HOOK3: variants seen among roughly 807,000 people sequenced by gnomAD.
HOOK3 encodes the protein hook microtubule tethering protein 3.
HOOK3 carries 24 observed loss-of-function variants against 116.3 expected under a neutral mutation model. That is an observed-to-expected ratio of 0.21 (90% CI 0.15 to 0.29). HOOK3 has a LOEUF of 0.29. Among genes scored for constraint, HOOK3 ranks in the 10% least tolerant of loss-of-function variants. HOOK3 has a pLI of 1.00. For missense variants in HOOK3, 632 were observed against 830.2 expected, an observed-to-expected ratio of 0.76 and a Z score of 2.93; for synonymous variants, 275 against 283.0, an observed-to-expected ratio of 0.97 and a Z score of 0.28.
intron 2 of HOOK3, among the ~76,000 whole-genome samples, chr8:42,914,845 C>T (rs919198367): frequency 1.3e-5 from 2 of 152,112 alleles, no homozygotes; most frequent in African/African-American, 2.4e-5. Context: ...CACCGGGCGC[C>T]GTGGCTCATG....
intron 15 of HOOK3, among the ~76,000 whole-genome samples, chr8:42,996,342 C>T (rs1403098261): frequency 6.9e-6 from 1 of 145,590 alleles, no homozygotes; most frequent in African/African-American, 2.6e-5. Context: ...GCTGAGATTG[C>T]ACCATTGCAC....
chr8:42,898,895 A>G (rs1807122878), intron 1 of HOOK3, among the ~76,000 whole-genome samples: 1 of 152,230 alleles, frequency 6.6e-6, no homozygotes, highest in African/African-American at 2.4e-5. Context: ...CTTAGCCTAC[A>G]ATTGGGCAAA....
intron 15 of HOOK3, among the ~76,000 whole-genome samples, chr8:42,990,198 G>T (rs910730262): frequency 6.6e-6 from 1 of 151,772 alleles, no homozygotes; most frequent in African/African-American, 2.4e-5. Flanking sequence ...GTCTCCCTAT[G>T]TTGCCCAGGC....
chr8:42,974,206 T>G lies in HOOK3; in HGVS notation c.1321+12T>G, dbSNP rs777679147. The G allele has an allele frequency of 1.6e-5, 25 of 1,591,746 alleles. No individual in the cohort carries two copies. The African/African-American group carries it at 3.1e-4, about 20-fold the overall frequency. ...GCTCACAACACAAGGTAAAAACGTT[T>G]TGCGAGTACAAACCAGATGATTTCT... On this transcript the variant is annotated intron_variant, in intron 13 of 21. Transcript: ENST00000307602.
intron 2 of HOOK3, among the ~76,000 whole-genome samples, chr8:42,907,321 GTC>G (rs1807329322): frequency 1.3e-5 from 2 of 152,148 alleles, no homozygotes; most frequent in African/African-American, 4.8e-5. Flanking sequence ...CAGATTATCT[GTC>G]TCTTTGCCTT....
intron 8 of HOOK3, among the ~76,000 whole-genome samples, chr8:42,962,864 C>T (rs1377297824): frequency 4.9e-5 from 7 of 141,544 alleles, no homozygotes; most frequent in African/African-American, 1.4e-4. Context: ...TGCAATGGCA[C>T]GATCTTAGCT....
At chr8:42,954,553 A>C (rs1037845500) in intron 6 of HOOK3, among the ~76,000 whole-genome samples, 47 of 152,230 alleles carry the variant, frequency 3.1e-4, no homozygotes, top group Admixed American at 3.0e-3. Flanking sequence ...AGAAGGAAAA[A>C]TTTTAAATGT....
Position 42,943,516 on chromosome 8 carries a change from T to C in HOOK3, c.400+71T>C, listed in dbSNP as rs573091045. On this transcript the variant is annotated intron_variant, in intron 5 of 21. Transcript: ENST00000307602. ...AGTAGTGTATATTTTATATTTTATA[T>C]ATAAATCACCAGTACCAACAGTAAC... 14 of 1,070,714 alleles carry C rather than the reference T, an allele frequency of 1.3e-5. No individual in the cohort carries two copies. The African/African-American group carries it at 2.1e-4, about 16-fold the overall frequency. 66.3% of individuals were successfully genotyped at this position (1,070,714 alleles called of 1,614,324 possible).
At chr8:42,921,522 G>T (rs990952265) in intron 2 of HOOK3, among the ~76,000 whole-genome samples, 1 of 152,130 alleles carries the variant, frequency 6.6e-6, no homozygotes, top group African/African-American at 2.4e-5. Flanking sequence ...TAAGCAAAGA[G>T]AACACTTTTG....
At chr8:42,952,790 A>C (rs564794699) in intron 6 of HOOK3, among the ~76,000 whole-genome samples, 1 of 152,324 alleles carries the variant, frequency 6.6e-6, no homozygotes, top group African/African-American at 2.4e-5. Context: ...ATATCATATA[A>C]GATTAGATTG....
intron 2 of HOOK3, among the ~76,000 whole-genome samples, chr8:42,920,823 A>C (rs1237348080): frequency 6.6e-6 from 1 of 152,218 alleles, no homozygotes; most frequent in Non-Finnish European, 1.5e-5. Context: ...GGATAATAAT[A>C]CCTACCTTCC....
At chr8:42,923,824 A>T (rs1323512412) in intron 2 of HOOK3, among the ~76,000 whole-genome samples, 1 of 152,210 alleles carries the variant, frequency 6.6e-6, no homozygotes, top group Non-Finnish European at 1.5e-5. Context: ...TTCTCAATAA[A>T]GCTGTTTCTA....
chr8:42,935,172 T>C (rs1005896812), intron 4 of HOOK3, among the ~76,000 whole-genome samples: 2 of 152,242 alleles, frequency 1.3e-5, no homozygotes, highest in African/African-American at 4.8e-5. Flanking sequence ...ATATGTTTAT[T>C]GGCCATATAA....
rs144836571 is a variant in HOOK3, at chr8:42,990,895, C to A, written c.1532+4100C>A. Reference sequence around the variant, plus strand: ...TGGAGTATTACTCAAGAAATCTTTGCCCACACCAATGTCCAGTTTTGTTTT... The same window carrying A: ...TGGAGTATTACTCAAGAAATCTTTGACCACACCAATGTCCAGTTTTGTTTT... On this transcript the variant is annotated intron_variant, in intron 15 of 21. Transcript: ENST00000307602. Among the ~76,000 whole-genome samples the A allele has an allele frequency of 2.6e-5, 4 of 152,246 alleles. No individual in the cohort carries two copies. In the East Asian group the frequency reaches 7.7e-4, roughly 29 times the overall value.
intron 11 of HOOK3, among the ~76,000 whole-genome samples, chr8:42,970,909 T>A (rs1449097162): frequency 6.7e-6 from 1 of 150,234 alleles, no homozygotes; most frequent in Non-Finnish European, 1.5e-5. Flanking sequence ...CATCTCAGCC[T>A]GCCAAATAGC....
intron 17 of HOOK3, among the ~76,000 whole-genome samples, chr8:43,005,182 T>G (rs1028408653): frequency 6.9e-5 from 3 of 43,568 alleles, no homozygotes; most frequent in African/African-American, 2.7e-4. Context: ...AATTAAGTGC[T>G]CTCTCTCTCT....
intron 6 of HOOK3, among the ~76,000 whole-genome samples, chr8:42,951,511 G>C (rs1437753410): frequency 6.6e-6 from 1 of 151,330 alleles, no homozygotes; most frequent in Non-Finnish European, 1.5e-5. Context: ...AACTGTAAAA[G>C]TAAAAGTAAA....
At chr8:42,919,814 C>T (rs975279848) in intron 2 of HOOK3, among the ~76,000 whole-genome samples, 3 of 152,174 alleles carry the variant, frequency 2.0e-5, no homozygotes, top group South Asian at 2.1e-4. Context: ...TGGCGGTGCG[C>T]GCCTGCAATC....
chr8:42,966,668 T>C (rs1350268946), intron 10 of HOOK3, 55 bp downstream of exon 10: 1 of 1,571,996 alleles, frequency 6.4e-7, no homozygotes, highest in Non-Finnish European at 8.7e-7. Flanking sequence ...TTAGAAACTC[T>C]AGGGTTTCTG....
Sources: allele counts gnomAD v4.1 joint callset (sites outside exome capture counted in the v4.1 genomes callset), GRCh38; gene constraint gnomAD v4.1.1; transcripts MANE v1.5; gene names NCBI Gene and HGNC (gene_info 2026-07-23, HGNC 2026-07-21).